TMTC1: variants seen among roughly 807,000 people sequenced by gnomAD.
The protein encoded by TMTC1 is transmembrane O-mannosyltransferase targeting cadherins 1.
Under a neutral mutation model 104.8 loss-of-function variants are expected in TMTC1, and 73 were observed. The ratio of observed to expected loss-of-function variants is 0.70; its 90% CI spans 0.58 to 0.85. TMTC1 has a LOEUF of 0.85. Among genes scored for constraint, TMTC1 ranks in the 40% least tolerant of loss-of-function variants. The pLI is 0.00. For synonymous variants in TMTC1, 434 were observed against 428.7 expected (o/e 1.01, Z -0.15); for missense variants, 1,035 against 1,096.1 (o/e 0.94, Z 0.79).
chr12:29,544,173 C>G (rs1944878093), intron 10 of TMTC1, among the ~76,000 whole-genome samples: 1 of 150,278 alleles, frequency 6.7e-6, no homozygotes, highest in Non-Finnish European at 1.5e-5. Flanking sequence ...AACCCAGAGG[C>G]AGAGGTTGCA....
intron 8 of TMTC1, among the ~76,000 whole-genome samples, chr12:29,581,854 T>G (rs1430052666): frequency 6.6e-6 from 1 of 152,150 alleles, no homozygotes; most frequent in Admixed American, 6.6e-5. Context: ...ATGACCTTAG[T>G]TAGCATGAGG....
At chr12:29,514,854 A>C (rs1194324343) in intron 15 of TMTC1, among the ~76,000 whole-genome samples, 1 of 151,998 alleles carries the variant, frequency 6.6e-6, no homozygotes, top group African/African-American at 2.4e-5. Flanking sequence ...CTCTACAAAA[A>C]AATACAAAAA....
chr12:29,655,080 T>C (rs1024412380), intron 5 of TMTC1, among the ~76,000 whole-genome samples: 3 of 152,194 alleles, frequency 2.0e-5, no homozygotes, highest in South Asian at 4.2e-4. Flanking sequence ...GATGGGGTTT[T>C]ACCATGTTGG....
intron 10 of TMTC1, among the ~76,000 whole-genome samples, chr12:29,554,581 G>T (rs950065236): frequency 1.8e-4 from 28 of 152,164 alleles, no homozygotes; most frequent in African/African-American, 6.8e-4. Flanking sequence ...CATATGCAAA[G>T]AAGCAGGCCA....
At chr12:29,617,565 AGAGAT>A (rs1381464763) in intron 6 of TMTC1, among the ~76,000 whole-genome samples, 10 of 151,704 alleles carry the variant, frequency 6.6e-5, no homozygotes, top group African/African-American at 2.4e-4. Flanking sequence ...AGAGAGAGAG[AGAGAT>A]AAAAACCCTG....
intron 11 of TMTC1, among the ~76,000 whole-genome samples, chr12:29,522,562 G>A (rs1315452431): frequency 6.8e-6 from 1 of 147,910 alleles, no homozygotes. Flanking sequence ...CAATGTGTGT[G>A]TGTGTGTGTG....
At chr12:29,694,468 C>T (rs1405971507) in intron 5 of TMTC1, among the ~76,000 whole-genome samples, 1 of 152,098 alleles carries the variant, frequency 6.6e-6, no homozygotes, top group Non-Finnish European at 1.5e-5. Flanking sequence ...ATACCTAATA[C>T]AATGTAAATG....
At chr12:29,679,577 G>A (rs1940843342) in intron 5 of TMTC1, among the ~76,000 whole-genome samples, 1 of 152,084 alleles carries the variant, frequency 6.6e-6, no homozygotes. Flanking sequence ...CATTCATAGT[G>A]ATGATGCTAA....
intron 10 of TMTC1, among the ~76,000 whole-genome samples, chr12:29,541,241 C>T (rs935428523): frequency 3.9e-5 from 6 of 152,140 alleles, no homozygotes; most frequent in Non-Finnish European, 5.9e-5. Flanking sequence ...ACCGCATCCA[C>T]GTTTTGAAAA....
At chr12:29,545,935 A>G (rs1485967545) in intron 10 of TMTC1, among the ~76,000 whole-genome samples, 1 of 152,150 alleles carries the variant, frequency 6.6e-6, no homozygotes. Context: ...AGATGTAGTT[A>G]CTAGTATTAT....
intron 9 of TMTC1, among the ~76,000 whole-genome samples, chr12:29,568,458 A>T (rs983154170): frequency 2.6e-5 from 4 of 152,176 alleles, no homozygotes; most frequent in African/African-American, 9.7e-5. Flanking sequence ...TACATTGCAA[A>T]TCTCTTTAAA....
intron 2 of TMTC1, among the ~76,000 whole-genome samples, chr12:29,763,506 T>C (rs1332657795): frequency 6.6e-6 from 1 of 152,254 alleles, no homozygotes; most frequent in African/African-American, 2.4e-5. Context: ...AAGTGCTTCC[T>C]CTTAGCTACA....
intron 5 of TMTC1, among the ~76,000 whole-genome samples, chr12:29,749,038 G>A (rs978965761): frequency 1.3e-5 from 2 of 152,180 alleles, no homozygotes; most frequent in African/African-American, 4.8e-5. Context: ...TCCATGGTCA[G>A]TGAAGTCACA....
chr12:29,749,601 C>T (rs896419156), intron 5 of TMTC1, among the ~76,000 whole-genome samples: 4 of 152,134 alleles, frequency 2.6e-5, no homozygotes, highest in African/African-American at 4.8e-5. Context: ...TCTTTCCCTC[C>T]ATGGCCCTCA....
chr12:29,740,967 A>G (rs1421543694), intron 5 of TMTC1, among the ~76,000 whole-genome samples: 2 of 152,206 alleles, frequency 1.3e-5, no homozygotes, highest in Non-Finnish European at 2.9e-5. Flanking sequence ...AATACTGCAA[A>G]TTGTTTAAAC....
At chr12:29,727,196 G>T (rs1942416774) in intron 5 of TMTC1, among the ~76,000 whole-genome samples, 1 of 152,130 alleles carries the variant, frequency 6.6e-6, no homozygotes, top group Non-Finnish European at 1.5e-5. Context: ...AAAAGAAAAA[G>T]ACAAAGAAAG....
intron 5 of TMTC1, among the ~76,000 whole-genome samples, chr12:29,686,490 C>T (rs1024915070): frequency 6.6e-6 from 1 of 152,044 alleles, no homozygotes; most frequent in African/African-American, 2.4e-5. Flanking sequence ...TACATACTCC[C>T]TCTGTGGCTG....
At chr12:29,695,882 G>A (rs1941410805) in intron 5 of TMTC1, among the ~76,000 whole-genome samples, 1 of 142,766 alleles carries the variant, frequency 7.0e-6, no homozygotes, top group Non-Finnish European at 1.5e-5. Flanking sequence ...ATTTTACTAG[G>A]ACCTATTGAG....
rs1200615147 is a variant in TMTC1, at chr12:29,504,695, T to C, written c.*2151A>G. ...GTGATCCTTTACCCTCAGAAACTTT[T>C]AGGCTGAAATCACCATTTCTGTTAT... On this transcript the variant is annotated 3_prime_UTR_variant, in exon 18 of 18. Transcript: ENST00000539277. 1 of 152,164 alleles carries C rather than the reference T, an allele frequency of 6.6e-6. No homozygotes were observed. The highest frequency in any genetic ancestry group is 1.5e-5 in the Non-Finnish European group (1 of 68,024). The allele number at this position is 152,164 out of a possible 1,614,324, so 9.4% of individuals were successfully genotyped here. A position where few individuals can be genotyped will look rare whatever the true frequency, so the allele number is the denominator to read the frequency against.
Sources: gnomAD v4.1 joint callset for allele counts (sites outside exome capture counted in the v4.1 genomes callset) on GRCh38, gnomAD v4.1.1 for gene constraint, MANE v1.5 for transcripts, NCBI Gene and HGNC (gene_info 2026-07-23, HGNC 2026-07-21) for gene names.